ITGB2: variants seen among roughly 807,000 people sequenced by gnomAD.
ITGB2 encodes the protein integrin beta-2.
A neutral mutation model predicts 86.8 loss-of-function variants in ITGB2; 56 were observed. The observed-to-expected ratio is 0.65, with a 90% CI of 0.52 to 0.81. ITGB2 has a LOEUF of 0.81. Ranked by LOEUF, ITGB2 falls within the 30% of genes least tolerant of loss-of-function variation. ITGB2 has a pLI of 0.00. For missense variants in ITGB2, 948 were observed against 1,061.2 expected, an observed-to-expected ratio of 0.89 and a Z score of 1.48; for synonymous variants, 457 against 450.4, an observed-to-expected ratio of 1.01 and a Z score of -0.19.
chr21:44,919,542 C>T (rs1195904053), intron 1 of ITGB2, among the ~76,000 whole-genome samples: 1 of 152,212 alleles, frequency 6.6e-6, no homozygotes, highest in Non-Finnish European at 1.5e-5. Context: ...CGGCAGACAG[C>T]CCAGAGCTTC....
At position 44,890,038 on chromosome 21, in the gene ITGB2, A is replaced by G. The variant is rs1442445748; in HGVS notation, c.1597T>C (p.Tyr533His). 6 of 1,613,412 alleles carry G rather than the reference A, an allele frequency of 3.7e-6. No homozygotes were observed. Among genetic ancestry groups the G allele is most frequent in the African/African-American group, 1.3e-5 (1 of 74,928 alleles). ...CAGTTGATGGTGTCACACTCGCAGT[A>G]CTGCCCGTATATCAGCTTGCCGGGG... ...DVPGKLIYGQ[Y>H]CECDTINCER... The change falls in exon 12 of 16, where the codon TAC becomes CAC. Residue 533 changes from tyrosine (Y) to histidine (H), a missense_variant. Coordinates refer to ENST00000652462, the MANE Select transcript of ITGB2 (RefSeq NM_000211.5).
chr21:44,926,111 T>C (rs987792963), intron 1 of ITGB2, among the ~76,000 whole-genome samples: 1 of 151,584 alleles, frequency 6.6e-6, no homozygotes, highest in Admixed American at 6.6e-5. Flanking sequence ...TCTCAAAAAA[T>C]ATATATACAA....
chr21:44,924,580 A>T (rs2084348448), upstream of ITGB2, among the ~76,000 whole-genome samples: 1 of 152,172 alleles, frequency 6.6e-6, no homozygotes. Context: ...TAATTACTAG[A>T]CCACAAGGGA....
At chr21:44,909,504 A>AT (rs1329462257) in intron 3 of ITGB2, 2 of 152,346 alleles carry the variant, frequency 1.3e-5, no homozygotes, top group Non-Finnish European at 2.9e-5. Flanking sequence ...GGGTGAGGAG[A>AT]TTCAGAGCGT....
In ITGB2 at chr21:44,909,941, A is replaced by G. The variant is rs141643243; in HGVS notation, c.147+343T>C. 7.6e-3 allele frequency among the ~76,000 whole-genome samples: 1,151 copies of G among 152,336 alleles called. 15 individuals carry two copies. The highest frequency in any genetic ancestry group is 0.026 in the African/African-American group (1,080 of 41,578). On this transcript the variant is annotated intron_variant, in intron 3 of 15. Coordinates refer to ENST00000652462, the MANE Select transcript of ITGB2 (RefSeq NM_000211.5). ...GAAAGCGTGCTGGCGATGCGGGGCC[A>G]GAAGCGCGCGTGTTTCTGCACTTGC...
At position 44,889,973 on chromosome 21, in the gene ITGB2, C is replaced by T. The variant is rs770099996; in HGVS notation, c.1657+5G>A. The T allele has an allele frequency of 6.2e-7, 1 of 1,612,950 alleles. No homozygotes were observed. ...CCGTTGTCCAGCAGGGACCCACGGG[C>T]TCACCCGGGCCGCCGCAGACCTGGC... is the stretch of plus-strand genomic sequence containing the variant. On this transcript the variant is annotated splice_donor_5th_base_variant and intron_variant, in intron 12 of 15. Coordinates refer to ENST00000652462, the MANE Select transcript of ITGB2 (RefSeq NM_000211.5).
At chr21:44,904,894 G>A (rs1165268739) in intron 4 of ITGB2, among the ~76,000 whole-genome samples, 2 of 151,822 alleles carry the variant, frequency 1.3e-5, no homozygotes, top group Non-Finnish European at 2.9e-5. Flanking sequence ...ATTCACACCC[G>A]GCACTCCTGG....
upstream of ITGB2, among the ~76,000 whole-genome samples, chr21:44,924,514 C>T (rs2084347774): frequency 6.6e-6 from 1 of 152,070 alleles, no homozygotes; most frequent in African/African-American, 2.4e-5. Flanking sequence ...GGAACGTAAC[C>T]ATTCGTCTCC....
chr21:44,916,739 G>A (rs1266934628), intron 1 of ITGB2, among the ~76,000 whole-genome samples: 2 of 151,752 alleles, frequency 1.3e-5, no homozygotes, highest in East Asian at 1.9e-4. Context: ...TTGGTGGCGG[G>A]CGCCTGTAAT....
chr21:44,907,309 C>T (rs1215216294), intron 3 of ITGB2, among the ~76,000 whole-genome samples: 3 of 152,232 alleles, frequency 2.0e-5, no homozygotes, highest in Non-Finnish European at 2.9e-5. Flanking sequence ...CCCTGGGGGG[C>T]AGGGTATCGC....
In ITGB2 at chr21:44,906,640, T is replaced by TA. The variant is rs375567427; in HGVS notation, c.328+274dup. On this transcript the variant is annotated intron_variant, in intron 4 of 15. Transcript: ENST00000652462. ...TTTTGCAAATGGTTTGGTCTCCCTT[T>TA]AAAAAAAAAAGGTGCAGAACGTCGG... Among the ~76,000 whole-genome samples, 1,220 of 148,698 alleles carry TA rather than the reference T, an allele frequency of 8.2e-3. 10 individuals carry two copies. Among genetic ancestry groups the TA allele is most frequent in the Middle Eastern group, 0.035 (10 of 288 alleles).
At chr21:44,896,630 G>T (rs1008901596) in intron 8 of ITGB2, among the ~76,000 whole-genome samples, 1 of 151,832 alleles carries the variant, frequency 6.6e-6, no homozygotes, top group Non-Finnish European at 1.5e-5. Context: ...ACTTCCATCC[G>T]TCCCAGTCTG....
chr21:44,889,534 C>G (rs1385796573), intron 12 of ITGB2, 39 bp from the exon 13 acceptor site: 1 of 1,532,398 alleles, frequency 6.5e-7, no homozygotes, highest in African/African-American at 1.4e-5. Flanking sequence ...CCTGCTTGGC[C>G]TGGGAACCGA....
At chr21:44,920,666 G>T (rs2084289796) in intron 1 of ITGB2, among the ~76,000 whole-genome samples, 155 bp downstream of exon 1, 2 of 152,352 alleles carry the variant, frequency 1.3e-5, no homozygotes, top group African/African-American at 4.8e-5. Flanking sequence ...GGGTCTCAAA[G>T]GGGACCCTGG....
chr21:44,922,658 G>GAGAAAAAA, upstream of ITGB2, among the ~76,000 whole-genome samples: 1 of 114,706 alleles, frequency 8.7e-6, no homozygotes. Flanking sequence ...GGGTAACTGA[G>GAGAAAAAA]AAAAAAAAAA....
intron 11 of ITGB2, among the ~76,000 whole-genome samples, chr21:44,890,919 C>T (rs899958817): frequency 1.3e-5 from 2 of 151,774 alleles, no homozygotes; most frequent in Non-Finnish European, 2.9e-5. Context: ...GGACAGTGGG[C>T]GGGGTGGCCA....
chr21:44,906,364 A>C (rs1009795829), intron 4 of ITGB2, among the ~76,000 whole-genome samples: 3 of 151,876 alleles, frequency 2.0e-5, no homozygotes, highest in Middle Eastern at 3.4e-3. Flanking sequence ...CAAGTGATCC[A>C]CCCGCCTCGG....
chr21:44,901,099 C>T (rs1483256254), intron 6 of ITGB2, among the ~76,000 whole-genome samples: 1 of 152,126 alleles, frequency 6.6e-6, no homozygotes, highest in African/African-American at 2.4e-5. Context: ...ACGTGGAGAG[C>T]GACACACACT....
At position 44,910,366 on chromosome 21, in the gene ITGB2, G is replaced by C. The variant is rs572638488; in HGVS notation, c.65C>G (p.Ser22Cys). Residue 22 changes from serine (S) to cysteine (C), a missense_variant, in exon 3 of 16, where the codon TCT (serine) becomes TGT (cysteine). Transcript: ENST00000652462. ...VGLLSLGCVL[S>C]QECTKFKVSS... ...GACCTTGAACTTCGTGCACTCCTGA[G>C]AGAGGACTGAGGGACGAGGCCGGCT... 3.1e-6 allele frequency: 5 copies of C among 1,614,176 alleles called. No individual in the cohort carries two copies. In the South Asian group the frequency reaches 4.4e-5, roughly 14 times the overall value.
Sources: allele counts gnomAD v4.1 joint callset (sites outside exome capture counted in the v4.1 genomes callset), GRCh38; gene constraint gnomAD v4.1.1; transcripts MANE v1.5; gene names NCBI Gene and HGNC (gene_info 2026-07-23, HGNC 2026-07-21).